VAV2: variants seen among roughly 807,000 people sequenced by gnomAD.
VAV2 encodes the protein vav guanine nucleotide exchange factor 2, also known as guanine nucleotide exchange factor VAV2.
In VAV2, 67 loss-of-function variants were observed where a neutral mutation model predicts 132.5. The observed-to-expected ratio is 0.51, with a 90% CI of 0.42 to 0.62. VAV2 has a LOEUF of 0.62. Among genes scored for constraint, VAV2 ranks in the 20% least tolerant of loss-of-function variants. The pLI, the probability that VAV2 is intolerant of heterozygous loss-of-function variation, is 0.00. For synonymous variants in VAV2, 492 were observed against 443.5 expected (o/e 1.11, Z -1.37); for missense variants, 938 against 1,153.6 (o/e 0.81, Z 2.71).
At chr9:133,914,064 C>T (rs1455591848) in intron 2 of VAV2, among the ~76,000 whole-genome samples, 5 of 152,222 alleles carry the variant, frequency 3.3e-5, no homozygotes, top group Non-Finnish European at 5.9e-5. Flanking sequence ...CGATGCTCAC[C>T]GCAAACCCCT....
At chr9:133,809,353 G>A (rs1835275367) in intron 6 of VAV2, among the ~76,000 whole-genome samples, 1 of 152,196 alleles carries the variant, frequency 6.6e-6, no homozygotes, top group Non-Finnish European at 1.5e-5. Flanking sequence ...CGCACGGGGA[G>A]GGGATGTGAC....
At chr9:133,929,756 G>T (rs911610837) in intron 2 of VAV2, among the ~76,000 whole-genome samples, 5 of 152,026 alleles carry the variant, frequency 3.3e-5, no homozygotes, top group Non-Finnish European at 7.4e-5. Context: ...TAGTGATGCG[G>T]CCTGTCCCCA....
chr9:133,936,377 G>C (rs1840909261), intron 2 of VAV2, among the ~76,000 whole-genome samples: 1 of 151,854 alleles, frequency 6.6e-6, no homozygotes, highest in Non-Finnish European at 1.5e-5. Flanking sequence ...CAAGTAGCTG[G>C]GATTACATAC....
chr9:133,819,667 C>T (rs1037738299), intron 4 of VAV2, among the ~76,000 whole-genome samples: 13 of 152,172 alleles, frequency 8.5e-5, no homozygotes, highest in Non-Finnish European at 1.8e-4. Context: ...CCGGGCCCTC[C>T]TTGTGGAGCC....
intron 1 of VAV2, among the ~76,000 whole-genome samples, chr9:133,948,076 C>A (rs1375316589): frequency 6.6e-6 from 1 of 152,164 alleles, no homozygotes. Flanking sequence ...CAGGTGTGAG[C>A]CACTATGCTC....
chr9:133,975,249 G>A (rs1409390357), intron 1 of VAV2, among the ~76,000 whole-genome samples: 1 of 151,974 alleles, frequency 6.6e-6, no homozygotes, highest in Non-Finnish European at 1.5e-5. Context: ...GGAGCTAGGA[G>A]GGCTGGACAC....
intron 3 of VAV2, among the ~76,000 whole-genome samples, chr9:133,860,301 C>CAA (rs776006662): frequency 1.7e-5 from 2 of 115,244 alleles, no homozygotes; most frequent in Non-Finnish European, 1.9e-5. Flanking sequence ...GACTCCAGCT[C>CAA]AAAAAAAAAA....
At chr9:133,766,621 G>A (rs532836303) in intron 29 of VAV2, among the ~76,000 whole-genome samples, 2 of 151,802 alleles carry the variant, frequency 1.3e-5, no homozygotes, top group Non-Finnish European at 2.9e-5. Flanking sequence ...GAGGGGGAGG[G>A]GGAGGGATAG....
At chr9:133,941,217 G>A (rs1264560298) in intron 1 of VAV2, among the ~76,000 whole-genome samples, 1 of 152,096 alleles carries the variant, frequency 6.6e-6, no homozygotes, top group Non-Finnish European at 1.5e-5. Context: ...AGACCAGCCT[G>A]GCCAACATGG....
chr9:133,856,907 T>C (rs1150061), intron 3 of VAV2, among the ~76,000 whole-genome samples: 147,727 of 152,266 alleles, frequency 0.97, 71,693 homozygotes, highest in Middle Eastern at 1. Context: ...TCTCAGGGTT[T>C]GGGGGTTAGG....
chr9:133,789,465 A>C, intron 13 of VAV2, 122 bp from the exon 14 acceptor site: 1 of 882,084 alleles, frequency 1.1e-6, no homozygotes, highest in South Asian at 1.5e-5. Context: ...AGGCGGGACG[A>C]AGGGAAACAG....
chr9:133,940,672 C>CGTGTGTGT (rs60265901), intron 1 of VAV2, among the ~76,000 whole-genome samples: 8,163 of 139,038 alleles, frequency 0.059, 243 homozygotes, highest in Admixed American at 0.067. Context: ...TGTCCACGTG[C>CGTGTGTGT]GTGTGTGTGT....
chr9:133,951,247 C>T (rs1023222567), intron 1 of VAV2, among the ~76,000 whole-genome samples: 5 of 152,210 alleles, frequency 3.3e-5, no homozygotes, highest in South Asian at 2.1e-4. Flanking sequence ...GCCAGCCATG[C>T]GACAGCAAAG....
chr9:133,895,413 A>G (rs1181574430), intron 2 of VAV2, among the ~76,000 whole-genome samples: 1 of 152,252 alleles, frequency 6.6e-6, no homozygotes, highest in African/African-American at 2.4e-5. Flanking sequence ...AATGTAAATG[A>G]GCAACTCAAA....
intron 3 of VAV2, among the ~76,000 whole-genome samples, chr9:133,855,579 CA>C (rs1837354014): frequency 6.6e-6 from 1 of 152,178 alleles, no homozygotes; most frequent in African/African-American, 2.4e-5. Context: ...CCTCTCCCTG[CA>C]CGAGCCGCAT....
At chr9:133,770,805 G>A (rs953370787) in intron 26 of VAV2, among the ~76,000 whole-genome samples, 2 of 152,220 alleles carry the variant, frequency 1.3e-5, no homozygotes, top group African/African-American at 4.8e-5. Context: ...AGCACTTGGG[G>A]TAAGCTTCTA....
At position 133,788,580 on chromosome 9, in the gene VAV2, C is replaced by A. The variant is rs1183454741; in HGVS notation, c.1275-94G>T. ...GAGCTGAGCCTGAGGCTCTGGCACGCGGCTCCCTCTCCGGGCGAGCCCTGC... is the reference window on the plus strand; with the variant it reads ...GAGCTGAGCCTGAGGCTCTGGCACGAGGCTCCCTCTCCGGGCGAGCCCTGC... On this transcript the variant is annotated intron_variant, in intron 14 of 29. Coordinates refer to ENST00000371850, the MANE Select transcript of VAV2 (RefSeq NM_001134398.2). The surrounding 1 kb of genome is among the most constrained non-coding windows in gnomAD (Gnocchi z 5.3). 3 of 1,524,888 alleles carry A rather than the reference C, an allele frequency of 2.0e-6. No individual in the cohort carries two copies. The highest frequency in any genetic ancestry group is 2.3e-5 in the East Asian group (1 of 43,276). 94.5% of individuals were successfully genotyped at this position (1,524,888 alleles called of 1,614,324 possible).
intron 2 of VAV2, among the ~76,000 whole-genome samples, chr9:133,931,898 G>A (rs990826581): frequency 6.6e-6 from 1 of 152,216 alleles, no homozygotes; most frequent in African/African-American, 2.4e-5. Context: ...ATGTTACCGT[G>A]CACCAGTTGC....
chr9:133,969,134 CGA>C lies in VAV2; in HGVS notation c.204+22939_204+22940del. ...CACATGCCGGGATTCACACTTCCCC[CGA>C]GAGCTGGATTCCACCGTGCCCGCCG... is the stretch of plus-strand genomic sequence containing the variant. On this transcript the variant is annotated intron_variant, in intron 1 of 29. Transcript: ENST00000371850. This position sits in a 1 kb window ranked among gnomAD's most constrained non-coding sequence, Gnocchi z 5.1. Among the ~76,000 whole-genome samples, 1 of 151,816 alleles carries C rather than the reference CGA, an allele frequency of 6.6e-6. No homozygotes were observed. Among genetic ancestry groups the C allele is most frequent in the East Asian group, 1.9e-4 (1 of 5,164 alleles).
Sources: gnomAD v4.1 joint callset for allele counts (sites outside exome capture counted in the v4.1 genomes callset) on GRCh38, gnomAD v4.1.1 for gene constraint, Gnocchi (gnomAD v3.1) non-coding constraint, MANE v1.5 for transcripts, NCBI Gene and HGNC (gene_info 2026-07-23, HGNC 2026-07-21) for gene names.